ANO6: variants seen among roughly 807,000 people sequenced by gnomAD.
ANO6 encodes anoctamin 6, also known as anoctamin-6.
Under a neutral mutation model 117.5 loss-of-function variants are expected in ANO6, and 106 were observed. The observed-to-expected ratio is 0.90, with a 90% CI of 0.77 to 1.06. The LOEUF (loss-of-function observed/expected upper bound fraction) is 1.06, where lower values mean the gene tolerates loss of function less well. Ranked by LOEUF, ANO6 falls within the 50% of genes least tolerant of loss-of-function variation. The pLI is 0.00. For synonymous variants in ANO6, 367 were observed against 385.1 expected (o/e 0.95, Z 0.55); for missense variants, 955 against 1,121.1 (o/e 0.85, Z 2.12).
chr12:45,367,308 T>C (rs1423859396), intron 8 of ANO6, among the ~76,000 whole-genome samples: 1 of 152,192 alleles, frequency 6.6e-6, no homozygotes, highest in African/African-American at 2.4e-5. Context: ...ATTCTAATAA[T>C]TTATCTTTAG....
chr12:45,273,262 T>G (rs1938446547), intron 1 of ANO6, among the ~76,000 whole-genome samples: 2 of 152,158 alleles, frequency 1.3e-5, no homozygotes, highest in Admixed American at 1.3e-4. Context: ...ATTGTGGTAA[T>G]TGTTACACAG....
chr12:45,416,773 A>G lies in ANO6; in HGVS notation c.2086A>G (p.Ile696Val). 6.2e-7 allele frequency: 1 copy of G among 1,614,116 alleles called. No homozygotes were observed. The highest frequency in any genetic ancestry group is 8.5e-7 in the Non-Finnish European group (1 of 1,180,018). ...LAPLLALVNN[I>V]LEIRVDAWKL... ...CCCTCTGTTGGCTCTCGTGAACAAT[A>G]TATTGGAAATAAGAGTGGACGCATG... The change falls in exon 17 of 20, where the codon ATA (isoleucine) becomes GTA (valine). Residue 696 changes from isoleucine (I) to valine (V), a missense_variant. By Grantham distance (29) the Ile-to-Val change is conservative. Coordinates refer to ENST00000320560, the MANE Select transcript of ANO6 (RefSeq NM_001025356.3).
At chr12:45,404,753 AG>A (rs1942888384) in intron 15 of ANO6, among the ~76,000 whole-genome samples, 1 of 151,864 alleles carries the variant, frequency 6.6e-6, no homozygotes, top group Admixed American at 6.6e-5. Context: ...CTTTATAAAA[AG>A]TCTTTTATCC....
In ANO6 at chr12:45,347,013, T is replaced by C; in HGVS notation, c.280-9T>C. ...AAGGTCTAACATATATTCCAACTTC[T>C]TTTGACAGAGGAAAAGACAAGCATA... On this transcript the variant is annotated splice_polypyrimidine_tract_variant and intron_variant, in intron 3 of 19. Transcript: ENST00000320560. 1 of 1,613,932 alleles carries C rather than the reference T, an allele frequency of 6.2e-7. No individual in the cohort carries two copies. The highest frequency in any genetic ancestry group is 8.5e-7 in the Non-Finnish European group (1 of 1,179,882).
rs142747950 is a variant in ANO6, at chr12:45,259,900, C to T, written c.71-42114C>T. On this transcript the variant is annotated intron_variant, in intron 1 of 19. Transcript: ENST00000320560. ...GTTAAAAGGCTGCAACAGCACTAGC[C>T]TCCCACAGGCACTGTAGGTCAGCTC... Among the ~76,000 whole-genome samples the T allele has an allele frequency of 6.6e-5, 10 of 152,356 alleles. No individual in the cohort carries two copies. The East Asian group carries it at 1.9e-3, about 29-fold the overall frequency.
intron 19 of ANO6, among the ~76,000 whole-genome samples, chr12:45,438,313 TA>T (rs1774872580): frequency 6.6e-6 from 1 of 152,088 alleles, no homozygotes. Flanking sequence ...CACACATATA[TA>T]TTTCATTCCA....
intron 9 of ANO6, among the ~76,000 whole-genome samples, chr12:45,375,463 G>C (rs982233307): frequency 2.0e-5 from 3 of 152,116 alleles, no homozygotes; most frequent in African/African-American, 7.2e-5. Flanking sequence ...TATACTACAA[G>C]GCTACAGTAA....
chr12:45,436,091 T>C (rs141046376), downstream of ANO6, among the ~76,000 whole-genome samples: 262 of 152,278 alleles, frequency 1.7e-3, 1 homozygote, highest in African/African-American at 5.7e-3. Context: ...TCTCTAACAA[T>C]TGGCCCAGTA....
chr12:45,237,934 C>A (rs1187684805), intron 1 of ANO6, among the ~76,000 whole-genome samples: 2 of 152,006 alleles, frequency 1.3e-5, no homozygotes, highest in African/African-American at 4.8e-5. Context: ...TGAAGAGGTC[C>A]CTCACATCTC....
chr12:45,397,005 A>C (rs560146567), intron 12 of ANO6, among the ~76,000 whole-genome samples: 1 of 152,316 alleles, frequency 6.6e-6, no homozygotes, highest in African/African-American at 2.4e-5. Context: ...GGATCTAATT[A>C]AACTAAAGAG....
rs114993696 is a variant in ANO6, at chr12:45,351,966, C to T, written c.863+1192C>T. 9.4e-3 allele frequency among the ~76,000 whole-genome samples: 1,428 copies of T among 152,132 alleles called. 27 individuals carry two copies. The highest frequency in any genetic ancestry group is 0.032 in the African/African-American group (1,343 of 41,484). On this transcript the variant is annotated intron_variant, in intron 7 of 19. Transcript: ENST00000320560. ...GAGGCTGTTTGAGCCAGGCAGAAGA[C>T]TGTGGGAGCAGATTTGGGATGTGTT...
At chr12:45,275,699 T>C (rs1242542475) in intron 1 of ANO6, among the ~76,000 whole-genome samples, 2 of 152,186 alleles carry the variant, frequency 1.3e-5, no homozygotes, top group Non-Finnish European at 2.9e-5. Context: ...TCTTACTGGA[T>C]CTCTGAGTGG....
chr12:45,221,065 G>C (rs931385113), intron 1 of ANO6, among the ~76,000 whole-genome samples: 3 of 151,648 alleles, frequency 2.0e-5, no homozygotes, highest in Non-Finnish European at 4.4e-5. Flanking sequence ...GAAGTGGGGG[G>C]GGGCAGCCTT....
At chr12:45,228,123 GTTTTTT>G (rs57127691) in intron 1 of ANO6, 318 of 283,356 alleles carry the variant, frequency 1.1e-3, no homozygotes, top group East Asian at 4.1e-3. Context: ...TTTTTGTGTT[GTTTTTT>G]TTTTTTTTTT....
chr12:45,347,924 G>A, intron 4 of ANO6, 104 bp from the exon 5 acceptor site: 1 of 1,112,818 alleles, frequency 9.0e-7, no homozygotes, highest in Non-Finnish European at 1.3e-6. Context: ...GGTGGTCTCT[G>A]TATTGTTTTT....
chr12:45,216,231 C>T lies in ANO6; in HGVS notation c.-91C>T. 2 of 1,450,352 alleles carry T rather than the reference C, an allele frequency of 1.4e-6. No homozygotes were observed. Among genetic ancestry groups the T allele is most frequent in the Non-Finnish European group, 1.9e-6 (2 of 1,056,844 alleles). 89.8% of individuals were successfully genotyped at this position (1,450,352 alleles called of 1,614,324 possible). A position where few individuals can be genotyped will look rare whatever the true frequency, so the allele number is the denominator to read the frequency against. Reference sequence around the variant, plus strand: ...GCCCAAGCGACACACGCCCCGCGGTCCCCGATCCGGCCCCTGGGAGAGCCG... The same window carrying T: ...GCCCAAGCGACACACGCCCCGCGGTTCCCGATCCGGCCCCTGGGAGAGCCG... On this transcript the variant is annotated 5_prime_UTR_variant, in exon 1 of 20. Coordinates refer to ENST00000320560, the MANE Select transcript of ANO6 (RefSeq NM_001025356.3).
chr12:45,371,332 G>C (rs577999184), intron 9 of ANO6, among the ~76,000 whole-genome samples: 1 of 152,356 alleles, frequency 6.6e-6, no homozygotes, highest in East Asian at 1.9e-4. Context: ...AAAGCAGCCA[G>C]GAAGCTCGAA....
chr12:45,220,107 A>G (rs1369894327), intron 1 of ANO6, among the ~76,000 whole-genome samples: 2 of 151,884 alleles, frequency 1.3e-5, no homozygotes, highest in African/African-American at 2.4e-5. Context: ...TCAGATTAGT[A>G]TGCTGCTTTA....
intron 19 of ANO6, among the ~76,000 whole-genome samples, chr12:45,427,748 A>T (rs1420547860): frequency 2.0e-5 from 3 of 151,648 alleles, no homozygotes; most frequent in African/African-American, 7.3e-5. Flanking sequence ...AAAAAAAAAA[A>T]AAAAAGCCTG....
Sources: gnomAD v4.1 joint callset for allele counts (sites outside exome capture counted in the v4.1 genomes callset) on GRCh38, gnomAD v4.1.1 for gene constraint, MANE v1.5 for transcripts, NCBI Gene and HGNC (gene_info 2026-07-23, HGNC 2026-07-21) for gene names.